Variants in ARL14EPL observed in about 807,000 individuals in gnomAD.
ARL14EPL encodes the protein ARF like GTPase 14 effector protein like.
In ARL14EPL, 17 loss-of-function variants were observed where a neutral mutation model predicts 15.9. That is an observed-to-expected ratio of 1.07 (90% confidence interval 0.73 to 1.60). The LOEUF (loss-of-function observed/expected upper bound fraction) is 1.60, where lower values mean the gene tolerates loss of function less well. Ranked by LOEUF, ARL14EPL falls within the 40% of genes most tolerant of loss-of-function variation. ARL14EPL has a pLI of 0.00. For synonymous variants in ARL14EPL, 78 were observed against 63.8 expected (o/e 1.22, Z -1.06); for missense variants, 214 against 185.9 (o/e 1.15, Z -0.88).
chr5:116,039,435 A>C (rs1749107762), intron 1 of ARL14EPL, among the ~76,000 whole-genome samples: 1 of 152,202 alleles, frequency 6.6e-6, no homozygotes, highest in Admixed American at 6.5e-5. Flanking sequence ...GACCAAAAAA[A>C]CTTCTCCATG....
In ARL14EPL at chr5:116,058,908, A is replaced by G. The variant is rs1749584863; in HGVS notation, c.420A>G (p.Gly140=). The G allele has an allele frequency of 2.6e-6, 4 of 1,535,942 alleles. No homozygotes were observed. Among genetic ancestry groups the G allele is most frequent in the Admixed American group, 2.0e-5 (1 of 50,970 alleles). ...ACGATGCCATCGTCACTGAGTCAGGAGAGGTCATCAGCACGCTGCCGTTTA... is the reference window on the plus strand; with the variant it reads ...ACGATGCCATCGTCACTGAGTCAGGGGAGGTCATCAGCACGCTGCCGTTTA... The part of the protein sequence containing the change: ...WVYDAIVTES[G]EVISTLPFNV... The change falls in exon 4 of 4, where the codon GGA becomes GGG. Residue 140 remains glycine (G), a synonymous_variant. Transcript: ENST00000686077.
Position 116,058,885 on chromosome 5 carries a change from G to A in ARL14EPL, c.397G>A (p.Asp133Asn), listed in dbSNP as rs746709571. 49 of 1,535,960 alleles carry A rather than the reference G, an allele frequency of 3.2e-5. No homozygotes were observed. Among genetic ancestry groups the A allele is most frequent in the Middle Eastern group, 1.7e-4 (1 of 6,006 alleles). The change falls in exon 4 of 4, where the codon GAT (aspartate) becomes AAT (asparagine). Residue 133 changes from aspartate (D) to asparagine (N), a missense_variant. Physicochemically the swap from Asp to Asn is conservative, Grantham distance 23. Transcript: ENST00000686077. ...CCGCTGCAACCGACGGTGGGTTTAC[G>A]ATGCCATCGTCACTGAGTCAGGAGA... is the stretch of plus-strand genomic sequence containing the variant. ...ECRCNRRWVY[D>N]AIVTESGEVI... is the part of the protein sequence containing the mutation.
chr5:116,042,022 G>C (rs957639520), intron 1 of ARL14EPL, among the ~76,000 whole-genome samples: 1 of 151,834 alleles, frequency 6.6e-6, no homozygotes, highest in Non-Finnish European at 1.5e-5. Flanking sequence ...AAAGACAGGG[G>C]GTCTCACCAT....
chr5:116,037,673 A>C (rs1208032021), intron 1 of ARL14EPL, among the ~76,000 whole-genome samples: 2 of 152,210 alleles, frequency 1.3e-5, no homozygotes. Flanking sequence ...AGAGTTCTAC[A>C]TTATTCTTAG....
intron 3 of ARL14EPL, among the ~76,000 whole-genome samples, chr5:116,055,590 T>C (rs1315674159): frequency 6.6e-6 from 1 of 151,978 alleles, no homozygotes; most frequent in African/African-American, 2.4e-5. Context: ...GATACCTACA[T>C]ATGTGTCATA....
chr5:116,045,141 A>AAT (rs1038236745), intron 1 of ARL14EPL, among the ~76,000 whole-genome samples: 9 of 152,190 alleles, frequency 5.9e-5, no homozygotes, highest in Non-Finnish European at 1.3e-4. Context: ...GTAGATTCTG[A>AAT]ATATATATTG....
chr5:116,058,898 C>A lies in ARL14EPL; in HGVS notation c.410C>A (p.Thr137Asn). 6.5e-7 allele frequency: 1 copy of A among 1,536,120 alleles called. No homozygotes were observed. Among genetic ancestry groups the A allele is most frequent in the East Asian group, 2.4e-5 (1 of 40,920 alleles). The change falls in exon 4 of 4, where the codon ACT becomes AAT. Residue 137 changes from threonine (T) to asparagine (N), a missense_variant. Thr to Asn is a moderately conservative substitution (Grantham distance 65). Transcript: ENST00000686077. ...CGGTGGGTTTACGATGCCATCGTCA[C>A]TGAGTCAGGAGAGGTCATCAGCACG... The part of the protein sequence containing the change: ...NRRWVYDAIV[T>N]ESGEVISTLP...
intron 1 of ARL14EPL, among the ~76,000 whole-genome samples, chr5:116,042,211 G>C (rs1749173305): frequency 6.6e-6 from 1 of 152,176 alleles, no homozygotes; most frequent in African/African-American, 2.4e-5. Context: ...GCTGCACAGT[G>C]CCTTGAGTAC....
intron 1 of ARL14EPL, 163 bp from the exon 2 acceptor site, chr5:116,051,294 G>A (rs1317126826): frequency 3.7e-6 from 2 of 546,542 alleles, no homozygotes; most frequent in Admixed American, 6.9e-5. Flanking sequence ...GGGAGTCAGA[G>A]GCAAGGTTTA....
intron 1 of ARL14EPL, among the ~76,000 whole-genome samples, chr5:116,048,430 C>T (rs980822416): frequency 1.3e-5 from 2 of 152,084 alleles, no homozygotes; most frequent in Non-Finnish European, 2.9e-5. Flanking sequence ...TTTTGTGTCA[C>T]GGATCCCTTT....
intron 1 of ARL14EPL, among the ~76,000 whole-genome samples, chr5:116,040,207 C>A (rs1442521148): frequency 6.6e-6 from 1 of 152,046 alleles, no homozygotes; most frequent in African/African-American, 2.4e-5. Context: ...TATTTTAAAG[C>A]TTTTGACATA....
intron 3 of ARL14EPL, 114 bp from the exon 4 acceptor site, chr5:116,058,611 G>A: frequency 1.0e-6 from 1 of 956,300 alleles, no homozygotes; most frequent in Non-Finnish European, 1.6e-6. Context: ...GTAATCTCTG[G>A]AGTTCTGGGT....
intron 1 of ARL14EPL, among the ~76,000 whole-genome samples, chr5:116,043,990 A>G (rs557293725): frequency 1.3e-5 from 2 of 152,332 alleles, no homozygotes; most frequent in South Asian, 4.1e-4. Context: ...TAGGATTTTT[A>G]CAAGCTTTGC....
At chr5:116,033,040 C>T (rs1033660230) in intron 1 of ARL14EPL, among the ~76,000 whole-genome samples, 2 of 152,224 alleles carry the variant, frequency 1.3e-5, no homozygotes, top group Middle Eastern at 6.8e-3. Flanking sequence ...CTCAAGTGAT[C>T]CACCTGCCTC....
At chr5:116,040,016 A>G (rs1222032605) in intron 1 of ARL14EPL, among the ~76,000 whole-genome samples, 1 of 152,164 alleles carries the variant, frequency 6.6e-6, no homozygotes, top group African/African-American at 2.4e-5. Flanking sequence ...TGACTACTTC[A>G]TATCACATTA....
chr5:116,039,370 A>T (rs1561576445), intron 1 of ARL14EPL, among the ~76,000 whole-genome samples: 2 of 152,238 alleles, frequency 1.3e-5, no homozygotes, highest in Non-Finnish European at 1.5e-5. Flanking sequence ...CAGGAAAATC[A>T]AATAGCTGGT....
intron 1 of ARL14EPL, among the ~76,000 whole-genome samples, chr5:116,047,312 G>A (rs1876679): frequency 6.6e-6 from 1 of 152,062 alleles, no homozygotes; most frequent in East Asian, 1.9e-4. Context: ...TAAAGTGCAT[G>A]CTTTCCTATT....
At chr5:116,033,755 A>T (rs1402500314) in intron 1 of ARL14EPL, among the ~76,000 whole-genome samples, 1 of 152,192 alleles carries the variant, frequency 6.6e-6, no homozygotes, top group Non-Finnish European at 1.5e-5. Context: ...CCCAAGCTAT[A>T]TTCTTAAAAG....
At position 116,054,129 on chromosome 5, in the gene ARL14EPL, A is replaced by G. The variant is rs1435938878; in HGVS notation, c.212A>G (p.Asn71Ser). ...QKKKARMSKMNEYFSTKYKIM... is the reference protein window; with the variant it reads ...QKKKARMSKMSEYFSTKYKIM... ...AAGAAAGCCCGGATGTCAAAGATGA[A>G]TGAATATTTTTCTACCAAATACAAG... The change falls in exon 3 of 4, where the codon AAT becomes AGT. Residue 71 changes from asparagine to serine, a missense_variant. Asn to Ser is a conservative substitution (Grantham distance 46). Coordinates refer to ENST00000686077, the MANE Select transcript of ARL14EPL (RefSeq NM_001195581.2). 6 of 1,535,388 alleles carry G rather than the reference A, an allele frequency of 3.9e-6. No homozygotes were observed. The highest frequency in any genetic ancestry group is 5.2e-6 in the Non-Finnish European group (6 of 1,146,570).
Sources: allele counts gnomAD v4.1 joint callset (sites outside exome capture counted in the v4.1 genomes callset), GRCh38; gene constraint gnomAD v4.1.1; transcripts MANE v1.5; gene names NCBI Gene and HGNC (gene_info 2026-07-23, HGNC 2026-07-21).